ENAH: variants seen among roughly 807,000 people sequenced by gnomAD.
ENAH encodes the protein protein enabled homolog.
A neutral mutation model predicts 78.7 loss-of-function variants in ENAH; 23 were observed. That is an observed-to-expected ratio of 0.29 (90% CI 0.21 to 0.41). The LOEUF (loss-of-function observed/expected upper bound fraction) is 0.41. Ranked by LOEUF, ENAH falls within the 10% of genes least tolerant of loss-of-function variation. The pLI, the probability that ENAH is intolerant of heterozygous loss-of-function variation, is 1.00. For missense variants in ENAH, 544 were observed against 691.0 expected, an observed-to-expected ratio of 0.79 and a Z score of 2.39; for synonymous variants, 226 against 241.0, an observed-to-expected ratio of 0.94 and a Z score of 0.58.
chr1:225,651,781 GA>G (rs954410566), intron 1 of ENAH, among the ~76,000 whole-genome samples: 29 of 152,144 alleles, frequency 1.9e-4, no homozygotes, highest in African/African-American at 6.7e-4. Flanking sequence ...ACAGGTTTAG[GA>G]AAGGCTGGAA....
intron 1 of ENAH, among the ~76,000 whole-genome samples, chr1:225,578,123 G>T (rs1454578004): frequency 6.6e-6 from 1 of 152,134 alleles, no homozygotes. Context: ...GAGAGACAGA[G>T]AAACTTGTAA....
rs767949823 is a variant in ENAH, at chr1:225,530,514, A to C, written c.434+40T>G. 8.7e-6 allele frequency: 13 copies of C among 1,502,426 alleles called. No individual in the cohort carries two copies. In the African/African-American group the frequency reaches 1.4e-4, roughly 16 times the overall value. The allele number at this position is 1,502,426 out of a possible 1,614,324, so 93.1% of individuals were successfully genotyped here. ...CAGGATGTTCAGTTTTGTCTTCTGA[A>C]GCATAAAGAAAAAGTACAAACAATA... On this transcript the variant is annotated intron_variant, in intron 4 of 13. Transcript: ENST00000366843.
At chr1:225,572,375 G>A (rs140349203) in intron 1 of ENAH, among the ~76,000 whole-genome samples, 2 of 152,172 alleles carry the variant, frequency 1.3e-5, no homozygotes, top group East Asian at 1.9e-4. Flanking sequence ...ACAGGTATGC[G>A]ATGGGGCGGT....
chr1:225,626,081 G>C (rs564392676), intron 1 of ENAH, among the ~76,000 whole-genome samples: 3 of 152,140 alleles, frequency 2.0e-5, no homozygotes, highest in East Asian at 1.9e-4. Context: ...TGGAATAATG[G>C]GAATCTAGAA....
chr1:225,549,403 CG>C (rs1002288303), intron 3 of ENAH, among the ~76,000 whole-genome samples: 1 of 152,060 alleles, frequency 6.6e-6, no homozygotes, highest in African/African-American at 2.4e-5. Flanking sequence ...CCATCTTTAC[CG>C]GGGGCCCAAA....
intron 1 of ENAH, among the ~76,000 whole-genome samples, chr1:225,577,731 A>G (rs2096795134): frequency 6.6e-6 from 1 of 152,240 alleles, no homozygotes; most frequent in African/African-American, 2.4e-5. Context: ...GATTTAAAAG[A>G]AAACATTTCA....
intron 1 of ENAH, among the ~76,000 whole-genome samples, chr1:225,611,493 A>G (rs1446757275): frequency 1.3e-5 from 2 of 151,922 alleles, no homozygotes; most frequent in East Asian, 1.9e-4. Context: ...TAATTTTTAT[A>G]TATTTTGTAG....
At chr1:225,614,627 C>T (rs1005946800) in intron 1 of ENAH, among the ~76,000 whole-genome samples, 3 of 152,126 alleles carry the variant, frequency 2.0e-5, no homozygotes, top group African/African-American at 7.2e-5. Flanking sequence ...TTCCCCTTCC[C>T]CTCCCAGGAG....
chr1:225,505,202 G>T (rs2096316562), intron 11 of ENAH: 1 of 524,206 alleles, frequency 1.9e-6, no homozygotes, highest in East Asian at 3.2e-5. Context: ...CCCAATAAAA[G>T]ATATTTTAAG....
intron 3 of ENAH, among the ~76,000 whole-genome samples, chr1:225,553,109 C>A (rs955968403): frequency 6.6e-6 from 1 of 151,992 alleles, no homozygotes. Context: ...TGGTGAGCAC[C>A]GGTAATCCCA....
At chr1:225,579,789 G>C (rs2096806203) in intron 1 of ENAH, among the ~76,000 whole-genome samples, 1 of 152,144 alleles carries the variant, frequency 6.6e-6, no homozygotes, top group Non-Finnish European at 1.5e-5. Context: ...TAGGTAAAAA[G>C]AAATAATATA....
chr1:225,622,211 CAT>C (rs1483924186), intron 1 of ENAH, among the ~76,000 whole-genome samples: 3 of 152,198 alleles, frequency 2.0e-5, no homozygotes, highest in Admixed American at 6.5e-5. Flanking sequence ...AATTTGTGTT[CAT>C]ATGTTTATAT....
chr1:225,561,177 G>A (rs571356799), intron 2 of ENAH, among the ~76,000 whole-genome samples: 5 of 152,248 alleles, frequency 3.3e-5, no homozygotes, highest in East Asian at 1.9e-4. Flanking sequence ...AGGCTGCAGC[G>A]AGCAGAGATC....
At chr1:225,576,169 T>C (rs950377679) in intron 1 of ENAH, among the ~76,000 whole-genome samples, 1 of 150,434 alleles carries the variant, frequency 6.6e-6, no homozygotes, top group Admixed American at 6.7e-5. Flanking sequence ...CTTAAGTACT[T>C]GGGAGGCTGA....
intron 1 of ENAH, among the ~76,000 whole-genome samples, chr1:225,586,721 G>A (rs968116209): frequency 5.3e-5 from 8 of 152,016 alleles, no homozygotes; most frequent in Admixed American, 2.0e-4. Context: ...GAAGAACAAC[G>A]TAATGCAAAA....
At chr1:225,606,405 G>A (rs1374398716) in intron 1 of ENAH, among the ~76,000 whole-genome samples, 2 of 150,756 alleles carry the variant, frequency 1.3e-5, no homozygotes, top group East Asian at 3.9e-4. Flanking sequence ...GTTGCAGTGA[G>A]CTGAGAACGC....
intron 1 of ENAH, among the ~76,000 whole-genome samples, chr1:225,578,940 T>C (rs1301956420): frequency 6.6e-6 from 1 of 152,230 alleles, no homozygotes; most frequent in Non-Finnish European, 1.5e-5. Flanking sequence ...TTGATACTAA[T>C]AATACTACTA....
chr1:225,510,326 G>A (rs938014471), intron 10 of ENAH, among the ~76,000 whole-genome samples: 1 of 152,016 alleles, frequency 6.6e-6, no homozygotes. Flanking sequence ...CTGAAATTAT[G>A]AACAAATCTG....
chr1:225,615,827 T>C (rs2097027421), intron 1 of ENAH, among the ~76,000 whole-genome samples: 1 of 151,574 alleles, frequency 6.6e-6, no homozygotes, highest in African/African-American at 2.4e-5. Context: ...GTCTGGGAGG[T>C]GTACCCAACA....
Sources: allele counts gnomAD v4.1 joint callset (sites outside exome capture counted in the v4.1 genomes callset), GRCh38; gene constraint gnomAD v4.1.1; transcripts MANE v1.5; gene names NCBI Gene and HGNC (gene_info 2026-07-23, HGNC 2026-07-21).